Variants in BTLA observed in about 807,000 individuals in gnomAD.
BTLA encodes the protein B- and T-lymphocyte attenuator.
In BTLA, 11 loss-of-function variants were observed where a neutral mutation model predicts 25.0. The ratio of observed to expected loss-of-function variants is 0.44; its 90% CI spans 0.28 to 0.73. The LOEUF is 0.73. Among genes scored for constraint, BTLA ranks in the 30% least tolerant of loss-of-function variants. The probability of loss-of-function intolerance (pLI) is 0.15; values close to 1 mark genes in which losing one functional copy is unlikely to be tolerated. For synonymous variants in BTLA, 104 were observed against 119.8 expected, an observed-to-expected ratio of 0.87 and a Z score of 0.86; for missense variants, 282 against 332.8, an observed-to-expected ratio of 0.85 and a Z score of 1.19.
intron 1 of BTLA, among the ~76,000 whole-genome samples, chr3:112,496,941 T>C (rs1490018306): frequency 1.3e-5 from 2 of 152,210 alleles, no homozygotes; most frequent in Non-Finnish European, 1.5e-5. Flanking sequence ...TTGACCAGTC[T>C]GGTCTTAAAC....
intron 1 of BTLA, among the ~76,000 whole-genome samples, chr3:112,490,607 AC>A (rs1289223578): frequency 1.0e-3 from 3 of 2,894 alleles, no homozygotes; most frequent in African/African-American, 2.2e-3. Context: ...CTGGGTAAAC[AC>A]ACACACACAC....
chr3:112,477,891 T>C (rs888554255), intron 2 of BTLA, among the ~76,000 whole-genome samples: 1 of 152,072 alleles, frequency 6.6e-6, no homozygotes, highest in Non-Finnish European at 1.5e-5. Flanking sequence ...CTTTCCCCAC[T>C]GAATAATCTT....
intron 2 of BTLA, among the ~76,000 whole-genome samples, chr3:112,473,102 C>G (rs1329703942): frequency 6.6e-6 from 1 of 151,512 alleles, no homozygotes; most frequent in Non-Finnish European, 1.5e-5. Flanking sequence ...TATTTCAGAA[C>G]AAACTCAAAA....
At position 112,464,464 on chromosome 3, in the gene BTLA, C is replaced by G. The variant is rs574805614; in HGVS notation, c.*1644G>C. The stretch of plus-strand genomic sequence containing the variant: ...TTCTTACATAAGTTGTCCACAAATG[C>G]AGCCTGGCTAAAACAGCCTATCTCG... On this transcript the variant is annotated 3_prime_UTR_variant, in exon 5 of 5. Coordinates refer to ENST00000334529, the MANE Select transcript of BTLA (RefSeq NM_181780.4). 15 of 273,148 alleles carry G rather than the reference C, an allele frequency of 5.5e-5. No homozygotes were observed. In the South Asian group the frequency reaches 1.2e-3, roughly 22 times the overall value. The allele number at this position is 273,148 out of a possible 1,614,324, so 16.9% of individuals were successfully genotyped here.
rs1451290275 is a variant in BTLA at position 112,472,348 on chromosome 3, TG to T, written c.404-994del. On this transcript the variant is annotated intron_variant, in intron 2 of 4. Transcript: ENST00000334529. The stretch of plus-strand genomic sequence containing the variant: ...TGTAAGATCTGGTTGTTGTTGTTGT[TG>T]TTGTTTTTTTTAATTTTGGGTTACA... 5.9e-5 allele frequency among the ~76,000 whole-genome samples: 9 copies of T among 152,078 alleles called. No homozygotes were observed. The South Asian group carries it at 6.2e-4, about 11-fold the overall frequency.
intron 4 of BTLA, among the ~76,000 whole-genome samples, chr3:112,468,313 GTACCAGTTCCTTTCCTGTCATGTTTA>G (rs1198891915): frequency 6.6e-6 from 1 of 152,088 alleles, no homozygotes; most frequent in Non-Finnish European, 1.5e-5. Context: ...TGTTACATTT[GTACCAGTTCCTTTCCTGTCATGTTTA>G]TACCAGTTCC....
At chr3:112,489,807 C>T (rs2082370095) in intron 1 of BTLA, among the ~76,000 whole-genome samples, 1 of 152,118 alleles carries the variant, frequency 6.6e-6, no homozygotes, top group African/African-American at 2.4e-5. Flanking sequence ...AGCAAAAAGG[C>T]ATCCAGATGG....
chr3:112,494,002 C>T (rs1215321058), intron 1 of BTLA, among the ~76,000 whole-genome samples: 2 of 151,976 alleles, frequency 1.3e-5, no homozygotes, highest in South Asian at 2.1e-4. Flanking sequence ...CCCAGCTACT[C>T]GGGAGGCTGA....
Position 112,499,311 on chromosome 3 carries a change from G to C in BTLA, c.48C>G (p.Val16=), listed in dbSNP as rs780897672. Residue 16 remains valine, a synonymous_variant, in exon 1 of 5, where the codon GTC becomes GTG. Transcript: ENST00000334529. ...AMLGTGKLFW[V]FFLIPYLDIW... ...TGTCCAGATATGGGATTAAGAAGAA[G>C]ACCCAAAATAATTTCCCAGTTCCAA... The C allele has an allele frequency of 9.9e-6, 16 of 1,613,270 alleles. No individual in the cohort carries two copies. The highest frequency in any genetic ancestry group is 1.4e-5 in the Non-Finnish European group (16 of 1,179,490).
Position 112,479,574 on chromosome 3 carries a change from A to G in BTLA, c.284T>C (p.Ile95Thr). 3 of 1,614,026 alleles carry G rather than the reference A, an allele frequency of 1.9e-6. No individual in the cohort carries two copies. The highest frequency in any genetic ancestry group is 2.5e-6 in the Non-Finnish European group (3 of 1,179,916). The change falls in exon 2 of 5, where the codon ATT becomes ACT. Residue 95 changes from isoleucine to threonine, a missense_variant. Transcript: ENST00000334529. Reference sequence around the variant, plus strand: ...TTCAAAATGTAGAATGAAAAATGAAATGTTCTTCTCTTCCTTCCAACTTGT... The same window carrying G: ...TTCAAAATGTAGAATGAAAAATGAAGTGTTCTTCTCTTCCTTCCAACTTGT... The part of the protein sequence containing the change: ...RQTSWKEEKN[I>T]SFFILHFEPV...
rs577427058 is a variant in BTLA, at chr3:112,465,656, G to A, written c.*452C>T. On this transcript the variant is annotated 3_prime_UTR_variant, in exon 5 of 5. Coordinates refer to ENST00000334529, the MANE Select transcript of BTLA (RefSeq NM_181780.4). ...ACAGCAAAAATTTCTTATTTTGGAAGACTGACTTGAAATATACAATCATTA... is the reference window on the plus strand; with the variant it reads ...ACAGCAAAAATTTCTTATTTTGGAAAACTGACTTGAAATATACAATCATTA... 114 of 153,176 alleles carry A rather than the reference G, an allele frequency of 7.4e-4. 1 individual carries two copies. The highest frequency in any genetic ancestry group is 1.3e-3 in the Admixed American group (20 of 15,296). 9.5% of individuals were successfully genotyped at this position (153,176 alleles called of 1,614,324 possible).
intron 1 of BTLA, among the ~76,000 whole-genome samples, chr3:112,496,520 G>A (rs969948626): frequency 9.9e-5 from 15 of 152,076 alleles, no homozygotes; most frequent in African/African-American, 3.4e-4. Flanking sequence ...ATCTTCAAAG[G>A]CTATCTTTAA....
chr3:112,470,499 G>C (rs1576677613), intron 3 of BTLA: 1 of 152,340 alleles, frequency 6.6e-6, no homozygotes, highest in Admixed American at 6.5e-5. Flanking sequence ...TGGAGGAGAA[G>C]AAAAAGGAAA....
At chr3:112,479,429 A>G (rs200408162) in intron 2 of BTLA, 26 bp downstream of exon 2, 13 of 1,558,630 alleles carry the variant, frequency 8.3e-6, no homozygotes, top group Non-Finnish European at 1.1e-5. Flanking sequence ...GAAAAATATC[A>G]GATGGTCTAG....
At chr3:112,498,243 C>T (rs2082420878) in intron 1 of BTLA, among the ~76,000 whole-genome samples, 1 of 151,550 alleles carries the variant, frequency 6.6e-6, no homozygotes, top group South Asian at 2.1e-4. Flanking sequence ...AACATCTCTA[C>T]TAAAAATACA....
At chr3:112,491,141 C>G (rs1306419530) in intron 1 of BTLA, among the ~76,000 whole-genome samples, 1 of 152,154 alleles carries the variant, frequency 6.6e-6, no homozygotes, top group Non-Finnish European at 1.5e-5. Context: ...ATGTCATTTC[C>G]TCTCCTTGAG....
intron 2 of BTLA, among the ~76,000 whole-genome samples, 165 bp downstream of exon 2, chr3:112,479,290 A>C (rs1416967432): frequency 6.6e-6 from 1 of 152,186 alleles, no homozygotes; most frequent in African/African-American, 2.4e-5. Context: ...GCACACATAC[A>C]CACACATATG....
intron 1 of BTLA, among the ~76,000 whole-genome samples, chr3:112,489,761 G>C (rs1044011663): frequency 6.6e-6 from 1 of 152,166 alleles, no homozygotes; most frequent in East Asian, 1.9e-4. Context: ...CGCATGCTGG[G>C]GAGGCTACAG....
rs2107303891 is a variant in BTLA at position 112,466,071 on chromosome 3, G to A, written c.*37C>T. The A allele has an allele frequency of 6.6e-7, 1 of 1,513,624 alleles. No homozygotes were observed. Among genetic ancestry groups the A allele is most frequent in the Middle Eastern group, 1.8e-4 (1 of 5,704 alleles). The allele number at this position is 1,513,624 out of a possible 1,614,324, so 93.8% of individuals were successfully genotyped here. On this transcript the variant is annotated 3_prime_UTR_variant, in exon 5 of 5. Transcript: ENST00000334529. ...GCCCAGACAATGATGTCAACATGCT[G>A]ATCATTCAATGGTCCCTGTTGGAGT...
Sources: gnomAD v4.1 joint callset for allele counts (sites outside exome capture counted in the v4.1 genomes callset) on GRCh38, gnomAD v4.1.1 for gene constraint, MANE v1.5 for transcripts, NCBI Gene and HGNC (gene_info 2026-07-23, HGNC 2026-07-21) for gene names.